Variants in SLC8A1 observed in about 807,000 individuals in gnomAD.
SLC8A1 encodes the protein sodium/calcium exchanger 1.
In SLC8A1, 18 loss-of-function variants were observed where a neutral mutation model predicts 68.3. That is an observed-to-expected ratio of 0.26 (90% CI 0.18 to 0.39). The LOEUF is 0.39. SLC8A1 is among the 10% of genes least tolerant of loss of function. SLC8A1 has a pLI of 1.00. For synonymous variants in SLC8A1, 475 were observed against 415.5 expected, an observed-to-expected ratio of 1.14 and a Z score of -1.74; for missense variants, 985 against 1,156.7, an observed-to-expected ratio of 0.85 and a Z score of 2.15.
intron 2 of SLC8A1, among the ~76,000 whole-genome samples, chr2:40,292,336 C>T (rs1327268560): frequency 6.6e-6 from 1 of 152,192 alleles, no homozygotes; most frequent in Non-Finnish European, 1.5e-5. Context: ...ATGATTTCCC[C>T]TGCCTCATAA....
intron 2 of SLC8A1, among the ~76,000 whole-genome samples, chr2:40,415,984 C>T (rs781097813): frequency 1.3e-5 from 2 of 150,076 alleles, no homozygotes; most frequent in Admixed American, 1.3e-4. Flanking sequence ...ATTGCTTGAA[C>T]CCGGGAGGCG....
intron 2 of SLC8A1, among the ~76,000 whole-genome samples, chr2:40,234,399 TTGTC>T (rs1375211044): frequency 6.6e-6 from 1 of 152,080 alleles, no homozygotes; most frequent in Non-Finnish European, 1.5e-5. Flanking sequence ...GGCTCTCTGT[TTGTC>T]TGTTGTTGGT....
intron 3 of SLC8A1, among the ~76,000 whole-genome samples, chr2:40,176,403 A>G (rs1220460591): frequency 6.6e-6 from 1 of 152,212 alleles, no homozygotes; most frequent in Non-Finnish European, 1.5e-5. Flanking sequence ...GGAGGAATAC[A>G]TTGAGAAGAA....
At position 40,400,971 on chromosome 2, in the gene SLC8A1, G is replaced by C. The variant is rs75127601; in HGVS notation, c.1808+27502C>G. Among the ~76,000 whole-genome samples the C allele has an allele frequency of 7.8e-3, 1,191 of 152,290 alleles. 18 individuals are homozygous for C. The highest frequency in any genetic ancestry group is 0.027 in the African/African-American group (1,119 of 41,554). ...AGGAGGAGAAAAAGGAAGCCACACAGAATTTTGGTGCCACGAGGAGGAGGA... is the reference window on the plus strand; with the variant it reads ...AGGAGGAGAAAAAGGAAGCCACACACAATTTTGGTGCCACGAGGAGGAGGA... On this transcript the variant is annotated intron_variant, in intron 2 of 7. Transcript: ENST00000406785.
chr2:40,303,988 G>A (rs912539165), intron 2 of SLC8A1, among the ~76,000 whole-genome samples: 2 of 152,132 alleles, frequency 1.3e-5, no homozygotes, highest in Non-Finnish European at 2.9e-5. Context: ...ACAGGCACCC[G>A]GATCAACAAG....
At chr2:40,512,423 A>C (rs2149949994) in exon 1 of SLC8A1, 1 of 152,344 alleles carries the variant, frequency 6.6e-6, no homozygotes, top group African/African-American at 2.4e-5. Flanking sequence ...CCTTCTCTAA[A>C]TTTACCAGAA....
chr2:40,122,387 C>G (rs1302512589), intron 7 of SLC8A1, among the ~76,000 whole-genome samples: 2 of 152,210 alleles, frequency 1.3e-5, no homozygotes, highest in East Asian at 3.9e-4. Flanking sequence ...CTGAAAATTT[C>G]TGCCCATAAA....
At chr2:40,263,635 A>G (rs1002490007) in intron 2 of SLC8A1, among the ~76,000 whole-genome samples, 3 of 152,160 alleles carry the variant, frequency 2.0e-5, no homozygotes, top group Non-Finnish European at 2.9e-5. Context: ...GGTGCTAGCC[A>G]TTTATGGAAA....
At chr2:40,338,095 C>A (rs1666560327) in intron 2 of SLC8A1, among the ~76,000 whole-genome samples, 1 of 152,018 alleles carries the variant, frequency 6.6e-6, no homozygotes, top group South Asian at 2.1e-4. Flanking sequence ...CTCTCTCTCC[C>A]TCCCATCTCC....
At chr2:40,373,077 G>C (rs1203447463) in intron 2 of SLC8A1, among the ~76,000 whole-genome samples, 1 of 151,966 alleles carries the variant, frequency 6.6e-6, no homozygotes, top group East Asian at 1.9e-4. Context: ...ATTGAAGAAA[G>C]AAGTCCAGAA....
At chr2:40,239,521 A>C (rs1574535318) in intron 2 of SLC8A1, among the ~76,000 whole-genome samples, 1 of 152,202 alleles carries the variant, frequency 6.6e-6, no homozygotes, top group Non-Finnish European at 1.5e-5. Context: ...TCTGAGGTAC[A>C]CAAGTAAATG....
intron 1 of SLC8A1, among the ~76,000 whole-genome samples, chr2:40,504,083 C>T (rs909284613): frequency 1.3e-5 from 2 of 151,946 alleles, no homozygotes; most frequent in Non-Finnish European, 2.9e-5. Context: ...AATAAAACAG[C>T]AGGTTACTGG....
At chr2:40,290,987 A>G (rs1427462862) in intron 2 of SLC8A1, among the ~76,000 whole-genome samples, 1 of 152,224 alleles carries the variant, frequency 6.6e-6, no homozygotes, top group Non-Finnish European at 1.5e-5. Flanking sequence ...CAAACTTTCT[A>G]GACATAAAAA....
At chr2:40,424,506 G>A (rs1024530119) in intron 2 of SLC8A1, among the ~76,000 whole-genome samples, 1 of 151,694 alleles carries the variant, frequency 6.6e-6, no homozygotes, top group African/African-American at 2.4e-5. Context: ...AGAGTAAAAT[G>A]TGATATAAAT....
intron 2 of SLC8A1, among the ~76,000 whole-genome samples, chr2:40,311,792 T>C (rs1467684542): frequency 6.6e-6 from 1 of 152,166 alleles, no homozygotes; most frequent in East Asian, 1.9e-4. Flanking sequence ...GTTTTGAATA[T>C]TGTGTTTGCA....
intron 2 of SLC8A1, among the ~76,000 whole-genome samples, chr2:40,366,511 C>A (rs1181708840): frequency 6.6e-6 from 1 of 152,046 alleles, no homozygotes; most frequent in African/African-American, 2.4e-5. Context: ...GAAATAAATG[C>A]TAATTACCAT....
chr2:40,109,715 T>G (rs1233765967), exon 8 of SLC8A1: 2 of 152,030 alleles, frequency 1.3e-5, no homozygotes, highest in African/African-American at 2.4e-5. Context: ...AGGCTGAAAT[T>G]AGGGAAAGGA....
intron 2 of SLC8A1, among the ~76,000 whole-genome samples, chr2:40,324,622 C>T (rs2075605931): frequency 1.3e-5 from 2 of 152,096 alleles, no homozygotes; most frequent in African/African-American, 2.4e-5. Context: ...TGTTCATCCA[C>T]TGGGGAGAAT....
intron 2 of SLC8A1, among the ~76,000 whole-genome samples, chr2:40,391,617 T>G (rs1159445109): frequency 3.3e-5 from 5 of 152,168 alleles, no homozygotes; most frequent in African/African-American, 9.6e-5. Context: ...CCTAGAGTCT[T>G]TACTTCAAAG....
Sources: gnomAD v4.1 joint callset for allele counts (sites outside exome capture counted in the v4.1 genomes callset) on GRCh38, gnomAD v4.1.1 for gene constraint, MANE v1.5 for transcripts, NCBI Gene and HGNC (gene_info 2026-07-23, HGNC 2026-07-21) for gene names.